Variants in SPRED1 observed in about 807,000 individuals in gnomAD.
The protein encoded by SPRED1 is sprouty-related, EVH1 domain-containing protein 1.
In SPRED1, 18 loss-of-function variants were observed where a neutral mutation model predicts 52.3. The observed-to-expected ratio is 0.34, with a 90% CI of 0.24 to 0.51. SPRED1 has a LOEUF of 0.51. Among genes scored for constraint, SPRED1 ranks in the 20% least tolerant of loss-of-function variants. SPRED1 has a pLI of 0.97. For synonymous variants in SPRED1, 155 were observed against 179.7 expected, an observed-to-expected ratio of 0.86 and a Z score of 1.10; for missense variants, 485 against 551.0, an observed-to-expected ratio of 0.88 and a Z score of 1.20.
intron 1 of SPRED1, among the ~76,000 whole-genome samples, chr15:38,277,379 A>G (rs1175405346): frequency 6.6e-6 from 1 of 152,066 alleles, no homozygotes; most frequent in Non-Finnish European, 1.5e-5. Context: ...TTGGTTTTCT[A>G]TTCATTCATT....
chr15:38,268,212 A>G (rs764585879), intron 1 of SPRED1: 6 of 152,186 alleles, frequency 3.9e-5, no homozygotes, highest in Non-Finnish European at 7.4e-5. Context: ...GCAGTCCCTC[A>G]CAGCTCAGCC....
At chr15:38,330,936 T>C (rs1895794521) in intron 4 of SPRED1, among the ~76,000 whole-genome samples, 1 of 151,958 alleles carries the variant, frequency 6.6e-6, no homozygotes, top group African/African-American at 2.4e-5. Context: ...GCAGAAGGGG[T>C]GCAAAGGGAG....
chr15:38,322,284 A>G lies in SPRED1; in HGVS notation c.251A>G (p.Lys84Arg). ...CTTAAAAAAGACCTCATTTATAATA[A>G]GGTCACTCCAACATTTCACCACTGG... ...CMLKKDLIYN[K>R]VTPTFHHWKI... Residue 84 changes from lysine (K) to arginine (R), a missense_variant, in exon 3 of 7, where the codon AAG (lysine) becomes AGG (arginine). Transcript: ENST00000299084. 6.2e-7 allele frequency: 1 copy of G among 1,613,882 alleles called. No individual in the cohort carries two copies.
At chr15:38,286,699 C>T (rs1288468425) in intron 1 of SPRED1, among the ~76,000 whole-genome samples, 1 of 152,098 alleles carries the variant, frequency 6.6e-6, no homozygotes, top group African/African-American at 2.4e-5. Context: ...TGAAGTATCT[C>T]ATACTGCTTT....
At chr15:38,317,678 C>G (rs540625541) in intron 2 of SPRED1, among the ~76,000 whole-genome samples, 1 of 151,944 alleles carries the variant, frequency 6.6e-6, no homozygotes, top group South Asian at 2.1e-4. Context: ...AAATAGCCAG[C>G]AGAATTCAGT....
intron 1 of SPRED1, among the ~76,000 whole-genome samples, chr15:38,293,084 T>G (rs773990771): frequency 5.1e-4 from 69 of 134,440 alleles, no homozygotes; most frequent in Non-Finnish European, 9.2e-4. Flanking sequence ...TTAAGTAATT[T>G]ACCCAAGATT....
rs1402487322 is a variant in SPRED1 at position 38,352,769 on chromosome 15, CTTA to C, written c.*1111_*1113del. On this transcript the variant is annotated 3_prime_UTR_variant, in exon 7 of 7. Coordinates refer to ENST00000299084, the MANE Select transcript of SPRED1 (RefSeq NM_152594.3). ...TAATTTTTCAGCTTAATCCTCAGTGCTTATTATTTACATAACAATAACTTTTTA... is the reference window on the plus strand; with the variant it reads ...TAATTTTTCAGCTTAATCCTCAGTGCTTATTTACATAACAATAACTTTTTA... 5.9e-5 allele frequency: 9 copies of C among 152,054 alleles called. No homozygotes were observed. Among genetic ancestry groups the C allele is most frequent in the Non-Finnish European group, 1.0e-4 (7 of 67,950 alleles). The allele number at this position is 152,054 out of a possible 1,614,324, so 9.4% of individuals were successfully genotyped here.
Position 38,356,656 on chromosome 15 carries a change from C to G in SPRED1, c.*4992C>G, listed in dbSNP as rs914817065. 1 of 151,846 alleles carries G rather than the reference C, an allele frequency of 6.6e-6. No homozygotes were observed. Among genetic ancestry groups the G allele is most frequent in the African/African-American group, 2.4e-5 (1 of 41,352 alleles). The allele number at this position is 151,846 out of a possible 1,614,324, so 9.4% of individuals were successfully genotyped here. A position where few individuals can be genotyped will look rare whatever the true frequency, so the allele number is the denominator to read the frequency against. ...TGTATTCAGATTTTTTTTTAAGTCT[C>G]TAAGCTAATAATGTTATATTTATTG... is the stretch of plus-strand genomic sequence containing the variant. On this transcript the variant is annotated 3_prime_UTR_variant, in exon 7 of 7. Transcript: ENST00000299084.
chr15:38,262,026 G>A (rs200753476), intron 1 of SPRED1, among the ~76,000 whole-genome samples: 19 of 88,342 alleles, frequency 2.2e-4, no homozygotes, highest in Middle Eastern at 0.013. Context: ...CTGTTTTATT[G>A]TGTTATTTTT....
chr15:38,350,961 G>A (rs1036559955), intron 6 of SPRED1, 53 bp from the exon 7 acceptor site: 19 of 1,553,066 alleles, frequency 1.2e-5, no homozygotes, highest in Non-Finnish European at 1.5e-5. Context: ...AAGGTGACAC[G>A]TAAAATTAAC....
intron 1 of SPRED1, among the ~76,000 whole-genome samples, chr15:38,282,069 A>G (rs1184326142): frequency 6.6e-6 from 1 of 152,202 alleles, no homozygotes; most frequent in Non-Finnish European, 1.5e-5. Context: ...GTCATAGTCC[A>G]GTGGACACCA....
intron 3 of SPRED1, 140 bp downstream of exon 3, chr15:38,322,549 AC>A: frequency 1.3e-6 from 1 of 743,598 alleles, no homozygotes; most frequent in Non-Finnish European, 2.2e-6. Flanking sequence ...TTGAAACCTC[AC>A]AATAGATGAA....
chr15:38,332,786 C>G (rs1317439842), intron 4 of SPRED1, among the ~76,000 whole-genome samples: 1 of 152,118 alleles, frequency 6.6e-6, no homozygotes, highest in Non-Finnish European at 1.5e-5. Flanking sequence ...ACAGGTTGTC[C>G]TAGTTCATTC....
chr15:38,316,096 C>A (rs774390889), intron 2 of SPRED1, among the ~76,000 whole-genome samples: 12 of 151,942 alleles, frequency 7.9e-5, no homozygotes, highest in Non-Finnish European at 1.3e-4. Flanking sequence ...TTCTATTTTT[C>A]ATAGCTTAAT....
chr15:38,266,114 G>GA (rs1044484626), intron 1 of SPRED1, among the ~76,000 whole-genome samples: 4 of 152,134 alleles, frequency 2.6e-5, no homozygotes, highest in Admixed American at 2.0e-4. Flanking sequence ...CTAGCATTCT[G>GA]AAAAAACTGT....
At chr15:38,334,050 C>G (rs143526798) in intron 4 of SPRED1, among the ~76,000 whole-genome samples, 30 of 151,982 alleles carry the variant, frequency 2.0e-4, no homozygotes, top group African/African-American at 7.2e-4. Context: ...CTGTCTGATA[C>G]ACAGAAAATG....
intron 1 of SPRED1, among the ~76,000 whole-genome samples, chr15:38,273,088 A>C (rs1406846711): frequency 6.6e-6 from 1 of 152,060 alleles, no homozygotes; most frequent in Non-Finnish European, 1.5e-5. Context: ...CTTAGTCGTA[A>C]ATTCTTCTCC....
intron 2 of SPRED1, among the ~76,000 whole-genome samples, chr15:38,315,366 G>A (rs975689259): frequency 2.6e-5 from 4 of 151,858 alleles, no homozygotes; most frequent in African/African-American, 9.7e-5. Context: ...TAATTTAAAA[G>A]TATATATTTA....
rs1281981956 is a variant in SPRED1, at chr15:38,339,640, T to C, written c.424-97T>C. ...AGCGATGGTAGCGATATATACTTAT[T>C]GACTTGCTAAATACTTTTTAGAGTG... On this transcript the variant is annotated intron_variant, in intron 4 of 6. Transcript: ENST00000299084. The C allele has an allele frequency of 1.2e-5, 15 of 1,298,912 alleles. 1 individual carries two copies. The highest frequency in any genetic ancestry group is 1.7e-5 in the Non-Finnish European group (15 of 897,780). The allele number at this position is 1,298,912 out of a possible 1,614,324, so 80.5% of individuals were successfully genotyped here.
Sources: gnomAD v4.1 joint callset for allele counts (sites outside exome capture counted in the v4.1 genomes callset) on GRCh38, gnomAD v4.1.1 for gene constraint, MANE v1.5 for transcripts, NCBI Gene and HGNC (gene_info 2026-07-23, HGNC 2026-07-21) for gene names.